The following XIRP2 variants were observed in gnomAD, a reference collection of about 807,000 sequenced individuals.
XIRP2 encodes the protein xin actin-binding repeat-containing protein 2.
XIRP2 carries 236 observed loss-of-function variants against 277.0 expected under a neutral mutation model. That is an observed-to-expected ratio of 0.85 (90% CI 0.77 to 0.95). The LOEUF (loss-of-function observed/expected upper bound fraction) is 0.95. Among genes scored for constraint, XIRP2 ranks in the 40% least tolerant of loss-of-function variants. The pLI, the probability that XIRP2 is intolerant of heterozygous loss-of-function variation, is 0.00. For synonymous variants in XIRP2, 1,490 were observed against 1,416.5 expected, an observed-to-expected ratio of 1.05 and a Z score of -1.17; for missense variants, 4,640 against 4,157.5, an observed-to-expected ratio of 1.12 and a Z score of -3.19.
At chr2:167,091,719 G>A (rs879791144) in intron 2 of XIRP2, among the ~76,000 whole-genome samples, 20 of 151,990 alleles carry the variant, frequency 1.3e-4, no homozygotes, top group Non-Finnish European at 2.4e-4. Context: ...GACTAGTATT[G>A]GACATTACAT....
At chr2:167,020,164 A>G (rs1176329982) in intron 2 of XIRP2, among the ~76,000 whole-genome samples, 1 of 152,042 alleles carries the variant, frequency 6.6e-6, no homozygotes, top group East Asian at 1.9e-4. Flanking sequence ...TCAAAACGAA[A>G]AGAGAAACCA....
intron 3 of XIRP2, among the ~76,000 whole-genome samples, chr2:167,199,159 A>T (rs992159335): frequency 1.3e-5 from 2 of 152,202 alleles, no homozygotes; most frequent in Non-Finnish European, 2.9e-5. Context: ...GCTAACCTTA[A>T]AAGAGGGATG....
chr2:166,916,054 T>C (rs1684868088), intron 2 of XIRP2, among the ~76,000 whole-genome samples: 1 of 152,168 alleles, frequency 6.6e-6, no homozygotes, highest in Non-Finnish European at 1.5e-5. Context: ...AATGATTAAA[T>C]AGGACATAAA....
rs538585939 is a variant in XIRP2 at position 167,238,871 on chromosome 2, T to TATCA, written c.859-959_859-956dup. ...TAGCAGTATGCTAACTGCTTCATCA[T>TATCA]ATCAATCAATCAATCAATCAATCAA... On this transcript the variant is annotated intron_variant, in intron 5 of 10. Transcript: ENST00000409195. Among the ~76,000 whole-genome samples the TATCA allele has an allele frequency of 3.7e-3, 568 of 152,224 alleles. 3 individuals are homozygous for TATCA. Among genetic ancestry groups the TATCA allele is most frequent in the African/African-American group, 9.2e-3 (383 of 41,544 alleles).
chr2:167,250,492 A>T lies in XIRP2; in HGVS notation c.9100A>T (p.Met3034Leu), dbSNP rs1695449514. 5.6e-6 allele frequency: 9 copies of T among 1,613,648 alleles called. No homozygotes were observed. Among genetic ancestry groups the T allele is most frequent in the Non-Finnish European group, 7.6e-6 (9 of 1,179,722 alleles). ...VSYENIIQTAMMSSKTGKPGN... is the reference protein window; with the variant it reads ...VSYENIIQTALMSSKTGKPGN... ...CTATGAAAATATAATTCAGACAGCC[A>T]TGATGTCCTCCAAAACAGGAAAACC... The change falls in exon 9 of 11, where the codon ATG (methionine) becomes TTG (leucine). Residue 3034 changes from methionine to leucine, a missense_variant. Met to Leu is a conservative substitution (Grantham distance 15). Transcript: ENST00000409195.
At chr2:167,170,143 A>G (rs79619223) in intron 3 of XIRP2, among the ~76,000 whole-genome samples, 2 of 152,156 alleles carry the variant, frequency 1.3e-5, no homozygotes, top group East Asian at 1.9e-4. Flanking sequence ...AGTTATTGCA[A>G]TGATAAAGAA....
chr2:167,156,824 A>T (rs954921059), intron 3 of XIRP2, among the ~76,000 whole-genome samples: 1 of 152,204 alleles, frequency 6.6e-6, no homozygotes. Context: ...ACCTGAAATG[A>T]TAATTGAAGC....
rs1048228104 is a variant in XIRP2, at chr2:167,251,458, G to A, written c.10066G>A (p.Ala3356Thr). The A allele has an allele frequency of 1.2e-6, 2 of 1,613,500 alleles. No individual in the cohort carries two copies. The highest frequency in any genetic ancestry group is 1.3e-5 in the African/African-American group (1 of 74,870). The change falls in exon 9 of 11, where the codon GCA becomes ACA. Residue 3356 changes from alanine (A) to threonine (T), a missense_variant. By Grantham distance (58) the Ala-to-Thr change is moderately conservative. Coordinates refer to ENST00000409195, the MANE Select transcript of XIRP2 (RefSeq NM_152381.6). ...SEAKSNRRVY[A>T]KGETNHNIQQ... ...AGCAAAGTCAAATAGAAGAGTTTAT[G>A]CAAAGGGAGAAACAAACCATAACAT...
chr2:167,148,350 C>T (rs529045489), intron 3 of XIRP2, among the ~76,000 whole-genome samples: 2 of 142,814 alleles, frequency 1.4e-5, no homozygotes, highest in Non-Finnish European at 3.1e-5. Context: ...CCATTGCACT[C>T]CAGTGTGGGT....
rs1427041299 is a variant in XIRP2 at position 166,891,571 on chromosome 2, A to G, written c.-19+3014A>G. 2.6e-5 allele frequency among the ~76,000 whole-genome samples: 4 copies of G among 152,266 alleles called. No individual in the cohort carries two copies. The East Asian group carries it at 5.8e-4, about 22-fold the overall frequency. On this transcript the variant is annotated intron_variant, in intron 1 of 10. Coordinates refer to ENST00000409195, the MANE Select transcript of XIRP2 (RefSeq NM_152381.6). ...CTAATTTCTTTCACATTCTTATCAG[A>G]TAGATATTGAGCAACTATCTGCCAA...
chr2:167,032,844 T>C (rs1688403376), intron 2 of XIRP2, among the ~76,000 whole-genome samples: 1 of 152,144 alleles, frequency 6.6e-6, no homozygotes, highest in African/African-American at 2.4e-5. Context: ...ACACTGTGGG[T>C]TGGAATGCAA....
intron 2 of XIRP2, among the ~76,000 whole-genome samples, chr2:167,046,397 A>G (rs1688788059): frequency 6.6e-6 from 1 of 151,928 alleles, no homozygotes. Flanking sequence ...TAAGGTGTGG[A>G]GAATTTTTAA....
chr2:167,141,692 A>C (rs1691721860), intron 3 of XIRP2, among the ~76,000 whole-genome samples: 1 of 151,996 alleles, frequency 6.6e-6, no homozygotes, highest in African/African-American at 2.4e-5. Context: ...GCAACACTCC[A>C]TCTCTACAAA....
At chr2:167,073,214 G>T (rs77454148) in intron 2 of XIRP2, among the ~76,000 whole-genome samples, 247 of 151,694 alleles carry the variant, frequency 1.6e-3, no homozygotes, top group Non-Finnish European at 2.8e-3. Flanking sequence ...TTTCATACTC[G>T]ACTTTTAATC....
chr2:167,005,289 A>G (rs141006107), intron 2 of XIRP2, among the ~76,000 whole-genome samples: 88 of 151,914 alleles, frequency 5.8e-4, no homozygotes, highest in Admixed American at 5.3e-3. Flanking sequence ...TTCTTTAGAG[A>G]CTATATTAGC....
chr2:167,255,436 T>C (rs1158842188), intron 10 of XIRP2, among the ~76,000 whole-genome samples: 1 of 151,838 alleles, frequency 6.6e-6, no homozygotes, highest in Non-Finnish European at 1.5e-5. Flanking sequence ...GGAGTTATCT[T>C]TGGCTCCTTC....
At chr2:167,254,429 G>A (rs1000353658) in intron 10 of XIRP2, among the ~76,000 whole-genome samples, 4 of 151,908 alleles carry the variant, frequency 2.6e-5, no homozygotes, top group African/African-American at 9.7e-5. Context: ...GAGTTACTCT[G>A]CAAATCAAGA....
At chr2:167,112,350 A>G (rs917436927) in intron 2 of XIRP2, among the ~76,000 whole-genome samples, 1 of 151,894 alleles carries the variant, frequency 6.6e-6, no homozygotes, top group African/African-American at 2.4e-5. Context: ...AGAGTCTGGT[A>G]TATTATATCT....
chr2:167,125,480 G>A (rs1326079185), intron 2 of XIRP2, among the ~76,000 whole-genome samples: 2 of 152,148 alleles, frequency 1.3e-5, no homozygotes, highest in Non-Finnish European at 2.9e-5. Context: ...TAAGTGTGTG[G>A]CCTTGGGCAA....
Sources: allele counts gnomAD v4.1 joint callset (sites outside exome capture counted in the v4.1 genomes callset), GRCh38; gene constraint gnomAD v4.1.1; transcripts MANE v1.5; gene names NCBI Gene and HGNC (gene_info 2026-07-23, HGNC 2026-07-21).